Variants in WDR72 observed in about 807,000 individuals in gnomAD.
WDR72 encodes the protein WD repeat domain 72, also known as WD repeat-containing protein 72.
In WDR72, 120 loss-of-function variants were observed where a neutral mutation model predicts 124.2. The observed-to-expected ratio is 0.97, with a 90% confidence interval of 0.83 to 1.12. The LOEUF is 1.12. Among genes scored for constraint, WDR72 ranks in the 50% most tolerant of loss-of-function variants. WDR72 has a pLI of 0.00. For synonymous variants in WDR72, 452 were observed against 441.7 expected, an observed-to-expected ratio of 1.02 and a Z score of -0.29; for missense variants, 1,387 against 1,278.8, an observed-to-expected ratio of 1.08 and a Z score of -1.29.
rs377164577 is a variant in WDR72, at chr15:53,686,288, C to T, written c.1765+13462G>A. On this transcript the variant is annotated intron_variant, in intron 13 of 19. Transcript: ENST00000360509. ...GGCAAATTGGATAAAGAGTCAAGAC[C>T]CATCAGGGTGCTGTATTCAGAAGAC... Among the ~76,000 whole-genome samples, 16 of 151,926 alleles carry T rather than the reference C, an allele frequency of 1.1e-4. 1 individual carries two copies. The highest frequency in any genetic ancestry group is 6.6e-5 in the Admixed American group (1 of 15,260).
chr15:53,677,141 C>T (rs2016202847), intron 13 of WDR72, among the ~76,000 whole-genome samples: 1 of 152,020 alleles, frequency 6.6e-6, no homozygotes, highest in African/African-American at 2.4e-5. Flanking sequence ...AGGATGGTCT[C>T]AATCTCCTGA....
rs774765107 is a variant in WDR72, at chr15:53,711,347, C to T, written c.846G>A (p.Gln282=). The change falls in exon 8 of 20, where the codon CAG becomes CAA. Residue 282 remains glutamine (Q), a synonymous_variant. Transcript: ENST00000360509. ...CCATCTGAGCCCACCTGTTCAGCAG[C>T]TGATAGATGTAACTGTGACCATCTT... ...WTEDGHSYIY[Q]LLNSGLSKSI... The T allele has an allele frequency of 1.9e-6, 3 of 1,614,164 alleles. No individual in the cohort carries two copies. In the South Asian group the frequency reaches 3.3e-5, roughly 18 times the overall value.
chr15:53,560,815 G>A (rs1251286679), intron 18 of WDR72, among the ~76,000 whole-genome samples: 1 of 151,518 alleles, frequency 6.6e-6, no homozygotes, highest in East Asian at 1.9e-4. Context: ...TAACCACACT[G>A]CATTCTTCTC....
intron 18 of WDR72, among the ~76,000 whole-genome samples, chr15:53,596,775 GGC>G (rs923526694): frequency 2.6e-5 from 4 of 152,074 alleles, no homozygotes; most frequent in Non-Finnish European, 5.9e-5. Context: ...TCAGAAACAG[GGC>G]ACTTGGCTCA....
intron 2 of WDR72, among the ~76,000 whole-genome samples, chr15:53,723,236 AGTAGCACATTAAT>A (rs2017928408): frequency 6.6e-6 from 1 of 152,218 alleles, no homozygotes; most frequent in East Asian, 1.9e-4. Context: ...CCTCAATAAT[AGTAGCACATTAAT>A]GTTCAGAGTT....
intron 14 of WDR72, among the ~76,000 whole-genome samples, chr15:53,650,635 C>T (rs1203842960): frequency 1.3e-5 from 2 of 152,082 alleles, no homozygotes; most frequent in Non-Finnish European, 2.9e-5. Context: ...AAATCTTATT[C>T]ATCCATCAAG....
chr15:53,663,550 T>C (rs1252057724), intron 14 of WDR72, among the ~76,000 whole-genome samples: 1 of 152,122 alleles, frequency 6.6e-6, no homozygotes, highest in Non-Finnish European at 1.5e-5. Flanking sequence ...GAGAGTGAAA[T>C]AAATATCAGT....
intron 18 of WDR72, among the ~76,000 whole-genome samples, chr15:53,549,384 C>G (rs184862969): frequency 4.5e-4 from 68 of 152,184 alleles, no homozygotes; most frequent in African/African-American, 1.5e-3. Flanking sequence ...CAAAAATTGT[C>G]TATTCAATTT....
intron 13 of WDR72, among the ~76,000 whole-genome samples, chr15:53,698,598 TATTAACA>T (rs2017076011): frequency 1.3e-5 from 2 of 152,214 alleles, no homozygotes; most frequent in Non-Finnish European, 2.9e-5. Context: ...TCCGAGGTCC[TATTAACA>T]GGTTCTGGAG....
intron 1 of WDR72, among the ~76,000 whole-genome samples, chr15:53,742,951 C>A (rs766109150): frequency 6.6e-6 from 1 of 152,056 alleles, no homozygotes; most frequent in Non-Finnish European, 1.5e-5. Flanking sequence ...AACATACAGA[C>A]ATAAAACTTC....
At position 53,523,278 on chromosome 15, in the gene WDR72, T is replaced by C. The variant is rs1471589075; in HGVS notation, c.3193A>G (p.Asn1065Asp). Reference sequence around the variant, plus strand: ...GGCATGTCCTCCACGTCTTGGAAGTTTGCCGAGTTTGAGTTGCTGTCATGC... The same window carrying C: ...GGCATGTCCTCCACGTCTTGGAAGTCTGCCGAGTTTGAGTTGCTGTCATGC... ...VKHDSNSNSA[N>D]FQDVEDMPDR... The change falls in exon 19 of 20, where the codon AAC (asparagine) becomes GAC (aspartate). Residue 1065 changes from asparagine (N) to aspartate (D), a missense_variant. Coordinates refer to ENST00000360509, the MANE Select transcript of WDR72 (RefSeq NM_182758.4). 1.2e-6 allele frequency: 2 copies of C among 1,612,992 alleles called. No homozygotes were observed. The highest frequency in any genetic ancestry group is 1.1e-5 in the South Asian group (1 of 91,048).
rs1488161487 is a variant in WDR72 at position 53,597,203 on chromosome 15, G to A, written c.3024C>T (p.Pro1008=). The A allele has an allele frequency of 1.5e-5, 24 of 1,613,714 alleles. No individual in the cohort carries two copies. In the East Asian group the frequency reaches 4.7e-4, roughly 31 times the overall value. ...QQHMKSLGKI[P]VNSQPVSMAE... The stretch of plus-strand genomic sequence containing the variant: ...CCATGGACACTGGTTGACTATTGAC[G>A]GGTATCTTTCCCAAACTCTTCATGT... Residue 1008 remains proline (P), a synonymous_variant, in exon 18 of 20, where the codon CCC becomes CCT. Transcript: ENST00000360509.
At chr15:53,646,736 A>G (rs1011401392) in intron 14 of WDR72, among the ~76,000 whole-genome samples, 2 of 152,190 alleles carry the variant, frequency 1.3e-5, no homozygotes, top group Non-Finnish European at 2.9e-5. Flanking sequence ...TAAATGTACA[A>G]CAAAATATCC....
chr15:53,533,830 CTT>C (rs1268609720), intron 18 of WDR72, among the ~76,000 whole-genome samples: 2 of 152,294 alleles, frequency 1.3e-5, no homozygotes, highest in East Asian at 3.9e-4. Flanking sequence ...TTATTGAAGA[CTT>C]AGCTGAAATT....
At chr15:53,565,208 C>T (rs1275399981) in intron 18 of WDR72, among the ~76,000 whole-genome samples, 3 of 151,610 alleles carry the variant, frequency 2.0e-5, no homozygotes, top group South Asian at 2.1e-4. Flanking sequence ...CTTGGGGACT[C>T]GAGGCAGGTG....
chr15:53,716,859 T>C (rs1191501575), intron 3 of WDR72, among the ~76,000 whole-genome samples, 174 bp from the exon 4 acceptor site: 1 of 152,192 alleles, frequency 6.6e-6, no homozygotes, highest in African/African-American at 2.4e-5. Flanking sequence ...TGTATCTGTA[T>C]CTTTTTGTTT....
At chr15:53,732,440 A>G (rs2018228927) in intron 2 of WDR72, among the ~76,000 whole-genome samples, 1 of 152,180 alleles carries the variant, frequency 6.6e-6, no homozygotes, top group Non-Finnish European at 1.5e-5. Flanking sequence ...ATTAATTGCT[A>G]ATCAATGGAC....
At chr15:53,595,947 CAT>C (rs2012750776) in intron 18 of WDR72, among the ~76,000 whole-genome samples, 1 of 152,142 alleles carries the variant, frequency 6.6e-6, no homozygotes, top group South Asian at 2.1e-4. Context: ...GGCATTAAAA[CAT>C]ATTCTACCTG....
chr15:53,596,806 T>C (rs946476668), intron 18 of WDR72, among the ~76,000 whole-genome samples: 3 of 152,150 alleles, frequency 2.0e-5, no homozygotes, highest in African/African-American at 4.8e-5. Flanking sequence ...AGAGATGATA[T>C]ACTGTGAACT....
Sources: allele counts gnomAD v4.1 joint callset (sites outside exome capture counted in the v4.1 genomes callset), GRCh38; gene constraint gnomAD v4.1.1; transcripts MANE v1.5; gene names NCBI Gene and HGNC (gene_info 2026-07-23, HGNC 2026-07-21).